Variants in MTSS2 observed in about 807,000 individuals in gnomAD.
MTSS2 encodes the protein protein MTSS 2.
MTSS2 carries 27 observed loss-of-function variants against 67.1 expected under a neutral mutation model. That is an observed-to-expected ratio of 0.40 (90% CI 0.30 to 0.55). MTSS2 has a LOEUF of 0.55. MTSS2 is among the 20% of genes least tolerant of loss of function. MTSS2 has a pLI of 0.43. For synonymous variants in MTSS2, 624 were observed against 468.6 expected, an observed-to-expected ratio of 1.33 and a Z score of -4.28; for missense variants, 1,171 against 1,067.8, an observed-to-expected ratio of 1.10 and a Z score of -1.35.
At chr16:70,668,554 A>G (rs1374434826) in intron 11 of MTSS2, among the ~76,000 whole-genome samples, 1 of 152,222 alleles carries the variant, frequency 6.6e-6, no homozygotes, top group Admixed American at 6.5e-5. Flanking sequence ...ACTGATGATG[A>G]AGGCAGCACT....
Position 70,663,431 on chromosome 16 carries a change from C to A in MTSS2, c.*246G>T, listed in dbSNP as rs565156309. On this transcript the variant is annotated 3_prime_UTR_variant, in exon 15 of 15. Transcript: ENST00000338779. Reference sequence around the variant, plus strand: ...GCCCCAGAGGAGGAAGAGGAGGGACCGAAGAGCATAAAACAGACCCCGAAC... The same window carrying A: ...GCCCCAGAGGAGGAAGAGGAGGGACAGAAGAGCATAAAACAGACCCCGAAC... The A allele has an allele frequency of 4.4e-5, 27 of 609,576 alleles. No individual in the cohort carries two copies. The highest frequency in any genetic ancestry group is 6.9e-5 in the Non-Finnish European group (26 of 376,034). 37.8% of individuals were successfully genotyped at this position (609,576 alleles called of 1,614,324 possible). A position where few individuals can be genotyped will look rare whatever the true frequency, so the allele number is the denominator to read the frequency against.
At chr16:70,680,421 C>T (rs1200929216) in intron 3 of MTSS2, among the ~76,000 whole-genome samples, 3 of 152,192 alleles carry the variant, frequency 2.0e-5, no homozygotes, top group South Asian at 2.1e-4. Context: ...CTCTGCCACT[C>T]GGACCAGAGG....
Position 70,676,028 on chromosome 16 carries a change from G to A in MTSS2, c.830+853C>T, listed in dbSNP as rs147741583. ...CCTTCACTGTGGGACGGCCACCCAC[G>A]CAGGGTCTGAAGAGCCTCTCTCTGA... On this transcript the variant is annotated intron_variant, in intron 10 of 14. Coordinates refer to ENST00000338779, the MANE Select transcript of MTSS2 (RefSeq NM_138383.3). Among the ~76,000 whole-genome samples the A allele has an allele frequency of 5.0e-3, 761 of 152,322 alleles. 4 individuals carry two copies. The highest frequency in any genetic ancestry group is 0.016 in the South Asian group (78 of 4,828).
intron 1 of MTSS2, among the ~76,000 whole-genome samples, chr16:70,684,976 A>G (rs958838885): frequency 6.6e-6 from 1 of 152,154 alleles, no homozygotes; most frequent in Non-Finnish European, 1.5e-5. Flanking sequence ...TGAGGAATGA[A>G]TGGGTGGTTG....
chr16:70,672,681 C>CAAAAAAAAA (rs60173167), intron 11 of MTSS2, among the ~76,000 whole-genome samples: 2 of 117,568 alleles, frequency 1.7e-5, no homozygotes, highest in Non-Finnish European at 1.8e-5. Flanking sequence ...GGTTAAATAG[C>CAAAAAAAAA]AAAAAAAAAA....
chr16:70,674,393 G>A lies in MTSS2; in HGVS notation c.966C>T (p.Ser322=), dbSNP rs746802122. 2.7e-5 allele frequency: 43 copies of A among 1,614,212 alleles called. No individual in the cohort carries two copies. The highest frequency in any genetic ancestry group is 3.3e-5 in the Non-Finnish European group (39 of 1,180,042). The change falls in exon 11 of 15, where the codon AGC becomes AGT. Residue 322 remains serine (S), a synonymous_variant. Coordinates refer to ENST00000338779, the MANE Select transcript of MTSS2 (RefSeq NM_138383.3). The part of the protein sequence containing the change: ...QPATTTARLS[S]VSSHDSGFVS... ...CGAAGCCAGAGTCATGGGAGGAAAC[G>A]CTGGAGAGGCGAGCGGTGGTGGTGG...
Position 70,665,466 on chromosome 16 carries a change from C to A in MTSS2, c.1128G>T (p.Ser376=). The A allele has an allele frequency of 6.4e-7, 1 of 1,554,052 alleles. No homozygotes were observed. Among genetic ancestry groups the A allele is most frequent in the Non-Finnish European group, 8.7e-7 (1 of 1,150,056 alleles). Residue 376 remains serine, a splice_region_variant and synonymous_variant, in exon 12 of 15, where the codon TCG becomes TCT. Transcript: ENST00000338779. The stretch of plus-strand genomic sequence containing the variant: ...CTGGGGCCGGGCTGGGAGCACTGAC[C>A]GAGGTGGGGGAGCTGCACTCGCTAA... ...QSVSECSSPT[S]DWSKVGSHEQ...
Position 70,664,347 on chromosome 16 carries a change from TG to T in MTSS2, c.1573del (p.Gln525ArgfsTer6). ...STIPRNSNIA[Q>X]NYRRLIQTKR... ...GGTCTGGATCAGGCGGCGGTAGTTC[TG>T]GGCGATGTTGCTGTTGCGCGGGATG... On this transcript the variant is annotated frameshift_variant, in exon 15 of 15. Coordinates refer to ENST00000338779, the MANE Select transcript of MTSS2 (RefSeq NM_138383.3). LOFTEE classifies it low-confidence loss of function (END_TRUNC). The T allele has an allele frequency of 6.3e-7, 1 of 1,597,550 alleles. No homozygotes were observed. The highest frequency in any genetic ancestry group is 1.1e-5 in the South Asian group (1 of 88,376).
intron 12 of MTSS2, 152 bp downstream of exon 12, chr16:70,665,314 T>TG: frequency 1.0e-6 from 1 of 964,062 alleles, no homozygotes; most frequent in Non-Finnish European, 1.5e-6. Flanking sequence ...CTGTAGGAAA[T>TG]GGCCAGGTGG....
chr16:70,671,986 CAA>C (rs2052952365), intron 11 of MTSS2, among the ~76,000 whole-genome samples: 1 of 152,186 alleles, frequency 6.6e-6, no homozygotes, highest in Non-Finnish European at 1.5e-5. Flanking sequence ...TCATGAAAAA[CAA>C]AGAGGGACAG....
chr16:70,676,303 T>C (rs1456327295), intron 10 of MTSS2, among the ~76,000 whole-genome samples: 2 of 152,228 alleles, frequency 1.3e-5, no homozygotes, highest in Admixed American at 1.3e-4. Context: ...TCCCCAGCTG[T>C]GTGAGGCTCC....
intron 11 of MTSS2, among the ~76,000 whole-genome samples, chr16:70,666,458 A>G (rs1016052099): frequency 2.0e-5 from 3 of 152,230 alleles, no homozygotes; most frequent in African/African-American, 7.2e-5. Context: ...AGCATGTGTG[A>G]CCGGCAGGGT....
rs117621214 is a variant in MTSS2 at position 70,677,619 on chromosome 16, C to T, written c.732+173G>A. On this transcript the variant is annotated intron_variant, in intron 9 of 14. Transcript: ENST00000338779. ...GCTGGCCAGGGCATACCCTCCCCGA[C>T]CTGGGCAGGTGCTCCGGGATGGCCT... 6.0e-3 allele frequency among the ~76,000 whole-genome samples: 907 copies of T among 152,316 alleles called. 4 individuals are homozygous for T. The highest frequency in any genetic ancestry group is 0.016 in the South Asian group (79 of 4,830).
chr16:70,678,505 C>T (rs552795005), intron 7 of MTSS2, 96 bp from the exon 8 acceptor site: 21 of 1,443,638 alleles, frequency 1.5e-5, no homozygotes, highest in Non-Finnish European at 1.7e-5. Flanking sequence ...ATCTCTCGGC[C>T]GTTGGGCTGG....
At chr16:70,670,811 A>C (rs1236452636) in intron 11 of MTSS2, among the ~76,000 whole-genome samples, 1 of 151,942 alleles carries the variant, frequency 6.6e-6, no homozygotes, top group Non-Finnish European at 1.5e-5. Context: ...TAAAAGAAAA[A>C]ATATAAAAAT....
chr16:70,684,132 C>G, intron 1 of MTSS2, among the ~76,000 whole-genome samples: 1 of 152,206 alleles, frequency 6.6e-6, no homozygotes, highest in South Asian at 2.1e-4. Flanking sequence ...CTGCTGCTCT[C>G]TGCAGTGGTT....
rs1455451279 is a variant in MTSS2 at position 70,664,349 on chromosome 16, G to A, written c.1572C>T (p.Ala524=). 2 of 1,597,642 alleles carry A rather than the reference G, an allele frequency of 1.3e-6. No individual in the cohort carries two copies. The highest frequency in any genetic ancestry group is 1.7e-6 in the Non-Finnish European group (2 of 1,173,978). ...TCTGGATCAGGCGGCGGTAGTTCTG[G>A]GCGATGTTGCTGTTGCGCGGGATGG... ...SSTIPRNSNI[A]QNYRRLIQTK... is the part of the protein sequence containing the mutation. Residue 524 remains alanine, a synonymous_variant, in exon 15 of 15, where the codon GCC becomes GCT. Coordinates refer to ENST00000338779, the MANE Select transcript of MTSS2 (RefSeq NM_138383.3).
At position 70,663,630 on chromosome 16, in the gene MTSS2, G is replaced by C; in HGVS notation, c.*47C>G. Reference sequence around the variant, plus strand: ...TGAGTGCCTGCGGCTCACAGACCAGGCCACCTGCTCGCACTGGGGCCTGAG... The same window carrying C: ...TGAGTGCCTGCGGCTCACAGACCAGCCCACCTGCTCGCACTGGGGCCTGAG... On this transcript the variant is annotated 3_prime_UTR_variant, in exon 15 of 15. Coordinates refer to ENST00000338779, the MANE Select transcript of MTSS2 (RefSeq NM_138383.3). 1 of 1,505,006 alleles carries C rather than the reference G, an allele frequency of 6.6e-7. No individual in the cohort carries two copies. The highest frequency in any genetic ancestry group is 8.9e-7 in the Non-Finnish European group (1 of 1,126,018). The allele number at this position is 1,505,006 out of a possible 1,614,324, so 93.2% of individuals were successfully genotyped here. A position where few individuals can be genotyped will look rare whatever the true frequency, so the allele number is the denominator to read the frequency against.
chr16:70,674,399 G>A lies in MTSS2; in HGVS notation c.960C>T (p.Leu320=), dbSNP rs1339576175. 6.2e-7 allele frequency: 1 copy of A among 1,614,218 alleles called. No homozygotes were observed. Among genetic ancestry groups the A allele is most frequent in the Non-Finnish European group, 8.5e-7 (1 of 1,180,036 alleles). The part of the protein sequence containing the change: ...LAQPATTTAR[L]SSVSSHDSGF... ...CAGAGTCATGGGAGGAAACGCTGGA[G>A]AGGCGAGCGGTGGTGGTGGCTGGCT... Residue 320 remains leucine, a synonymous_variant, in exon 11 of 15, where the codon CTC becomes CTT. Transcript: ENST00000338779.
Sources: gnomAD v4.1 joint callset for allele counts (sites outside exome capture counted in the v4.1 genomes callset) on GRCh38, gnomAD v4.1.1 for gene constraint, MANE v1.5 for transcripts, NCBI Gene and HGNC (gene_info 2026-07-23, HGNC 2026-07-21) for gene names.